The following GLCCI1 variants were observed in gnomAD, a reference collection of about 807,000 sequenced individuals.
The protein encoded by GLCCI1 is glucocorticoid induced 1.
GLCCI1 carries 24 observed loss-of-function variants against 52.2 expected under a neutral mutation model. That is an observed-to-expected ratio of 0.46 (90% CI 0.33 to 0.65). The LOEUF is 0.65. Among genes scored for constraint, GLCCI1 ranks in the 30% least tolerant of loss-of-function variants. GLCCI1 has a pLI of 0.02. For synonymous variants in GLCCI1, 310 were observed against 276.5 expected (o/e 1.12, Z -1.20); for missense variants, 704 against 701.5 (o/e 1.00, Z -0.04).
intron 2 of GLCCI1, among the ~76,000 whole-genome samples, chr7:8,014,513 A>G (rs1172258259): frequency 1.3e-5 from 2 of 152,186 alleles, no homozygotes; most frequent in Non-Finnish European, 2.9e-5. Context: ...TTTGTTTATT[A>G]TTCAGCAATG....
chr7:8,073,623 A>G (rs982502272), intron 6 of GLCCI1, among the ~76,000 whole-genome samples: 2 of 152,180 alleles, frequency 1.3e-5, no homozygotes, highest in African/African-American at 4.8e-5. Flanking sequence ...CCTTCCTCAT[A>G]TCATTGAGGT....
At chr7:8,074,714 T>TAA (rs1782838170) in intron 6 of GLCCI1, among the ~76,000 whole-genome samples, 1 of 152,202 alleles carries the variant, frequency 6.6e-6, no homozygotes, top group South Asian at 2.1e-4. Context: ...TTTCCTATAA[T>TAA]GTATGTTTTC....
chr7:7,998,651 A>G (rs1020691313), intron 1 of GLCCI1, among the ~76,000 whole-genome samples: 1 of 152,168 alleles, frequency 6.6e-6, no homozygotes, highest in Non-Finnish European at 1.5e-5. Flanking sequence ...TAAGCATTCT[A>G]CCTTAGAGTG....
At chr7:7,983,152 A>G (rs1028250696) in intron 1 of GLCCI1, among the ~76,000 whole-genome samples, 2 of 152,070 alleles carry the variant, frequency 1.3e-5, no homozygotes, top group African/African-American at 4.8e-5. Context: ...TATTTTGTGG[A>G]TTTTCTTTTT....
At chr7:8,039,630 G>C (rs1781951430) in intron 3 of GLCCI1, among the ~76,000 whole-genome samples, 1 of 152,134 alleles carries the variant, frequency 6.6e-6, no homozygotes, top group African/African-American at 2.4e-5. Context: ...TTGGAGACTT[G>C]GAAGGGTTGG....
chr7:8,076,889 A>AT (rs540592281), intron 6 of GLCCI1, among the ~76,000 whole-genome samples: 1 of 152,106 alleles, frequency 6.6e-6, no homozygotes, highest in Non-Finnish European at 1.5e-5. Context: ...TAATGGATAT[A>AT]TTTTTATAGC....
intron 1 of GLCCI1, among the ~76,000 whole-genome samples, chr7:7,970,858 C>T (rs1439427790): frequency 6.6e-6 from 1 of 151,836 alleles, no homozygotes; most frequent in African/African-American, 2.4e-5. Flanking sequence ...GGGAACAGAT[C>T]ATACTGGGTG....
At chr7:8,048,205 T>C (rs1296542874) in intron 3 of GLCCI1, among the ~76,000 whole-genome samples, 2 of 152,224 alleles carry the variant, frequency 1.3e-5, no homozygotes, top group African/African-American at 4.8e-5. Context: ...TCCCCTGTTC[T>C]GCACATCTCT....
intron 6 of GLCCI1, among the ~76,000 whole-genome samples, chr7:8,079,610 A>T (rs926660243): frequency 6.6e-6 from 1 of 151,734 alleles, no homozygotes; most frequent in South Asian, 2.1e-4. Context: ...GTTGTTCTGC[A>T]TATCAAGATT....
rs1258695359 is a variant in GLCCI1 at position 8,004,051 on chromosome 7, G to A, written c.601G>A (p.Ala201Thr). Residue 201 changes from alanine to threonine, a missense_variant, in exon 2 of 8, where the codon GCT becomes ACT. By Grantham distance (58) the Ala-to-Thr change is moderately conservative. Transcript: ENST00000223145. ...VHYPSCMKDK[A>T]TQTPSCWAEE... ...CTACCCTTCATGCATGAAAGACAAA[G>A]CTACTCAGGTAAAATCAGGAAATCA... The A allele has an allele frequency of 6.8e-6, 11 of 1,612,064 alleles. No homozygotes were observed. The highest frequency in any genetic ancestry group is 2.2e-5 in the East Asian group (1 of 44,862).
chr7:8,054,100 C>G (rs763463282), intron 3 of GLCCI1, among the ~76,000 whole-genome samples: 1 of 152,226 alleles, frequency 6.6e-6, no homozygotes, highest in East Asian at 1.9e-4. Context: ...TCTAGGCATT[C>G]TGAGCTCTTT....
At chr7:8,078,050 C>T (rs1006311567) in intron 6 of GLCCI1, among the ~76,000 whole-genome samples, 17 of 151,668 alleles carry the variant, frequency 1.1e-4, no homozygotes, top group South Asian at 4.2e-4. Flanking sequence ...CTGGCTAACA[C>T]GGTGAAACCC....
chr7:8,068,409 C>A (rs1782680764), intron 5 of GLCCI1, among the ~76,000 whole-genome samples: 1 of 152,194 alleles, frequency 6.6e-6, no homozygotes, highest in Non-Finnish European at 1.5e-5. Context: ...CTCTGAGATT[C>A]TTTCCTCAGC....
chr7:8,087,429 T>C lies in GLCCI1; in HGVS notation c.*891T>C, dbSNP rs71533390. ...GCAAATAAAGTGTTCAGTACTGGAC[T>C]GTACATAAACATTCCACATTGTGTG... On this transcript the variant is annotated 3_prime_UTR_variant, in exon 8 of 8. Transcript: ENST00000223145. 0.012 allele frequency: 1,809 copies of C among 152,788 alleles called. 27 individuals carry two copies. The highest frequency in any genetic ancestry group is 0.064 in the East Asian group (333 of 5,192). 9.5% of individuals were successfully genotyped at this position (152,788 alleles called of 1,614,324 possible).
intron 3 of GLCCI1, among the ~76,000 whole-genome samples, chr7:8,046,449 A>G (rs747832988): frequency 6.6e-6 from 1 of 152,190 alleles, no homozygotes; most frequent in Admixed American, 6.5e-5. Flanking sequence ...TTTAACATCA[A>G]CACAGACCTT....
At chr7:7,975,761 A>G (rs749535862) in intron 1 of GLCCI1, among the ~76,000 whole-genome samples, 1 of 152,186 alleles carries the variant, frequency 6.6e-6, no homozygotes, top group African/African-American at 2.4e-5. Context: ...ATAAGGAGAA[A>G]GAGACAGAGA....
intron 3 of GLCCI1, among the ~76,000 whole-genome samples, chr7:8,033,086 T>A (rs1781790933): frequency 6.6e-6 from 1 of 152,118 alleles, no homozygotes; most frequent in Admixed American, 6.5e-5. Context: ...AGGAATGCAA[T>A]GATGGTTTAA....
chr7:8,030,324 C>T (rs1781717950), intron 3 of GLCCI1, among the ~76,000 whole-genome samples: 1 of 152,086 alleles, frequency 6.6e-6, no homozygotes, highest in Admixed American at 6.6e-5. Context: ...GCTGGGGAAA[C>T]TGGATATGCC....
chr7:8,056,317 A>C (rs1782395973), intron 4 of GLCCI1, among the ~76,000 whole-genome samples: 1 of 152,132 alleles, frequency 6.6e-6, no homozygotes, highest in South Asian at 2.1e-4. Flanking sequence ...CCTTCTCTTA[A>C]TAACAGATAA....
Sources: gnomAD v4.1 joint callset for allele counts (sites outside exome capture counted in the v4.1 genomes callset) on GRCh38, gnomAD v4.1.1 for gene constraint, MANE v1.5 for transcripts, NCBI Gene and HGNC (gene_info 2026-07-23, HGNC 2026-07-21) for gene names.